Variants in UNC5C observed in about 807,000 individuals in gnomAD.
UNC5C encodes netrin receptor UNC5C.
Under a neutral mutation model 99.8 loss-of-function variants are expected in UNC5C, and 47 were observed. The ratio of observed to expected loss-of-function variants is 0.47; its 90% CI spans 0.37 to 0.60. The LOEUF (loss-of-function observed/expected upper bound fraction) is 0.60, where lower values mean the gene tolerates loss of function less well. Among genes scored for constraint, UNC5C ranks in the 20% least tolerant of loss-of-function variants. UNC5C has a pLI of 0.00. For synonymous variants in UNC5C, 487 were observed against 452.2 expected (o/e 1.08, Z -0.98); for missense variants, 1,062 against 1,165.9 (o/e 0.91, Z 1.30).
chr4:95,532,564 A>G (rs1722677430), intron 1 of UNC5C, among the ~76,000 whole-genome samples: 1 of 152,124 alleles, frequency 6.6e-6, no homozygotes, highest in Admixed American at 6.6e-5. Flanking sequence ...TGGCCTACCA[A>G]CTGGGGACAC....
intron 14 of UNC5C, 146 bp downstream of exon 14, chr4:95,182,751 A>G (rs1736663616): frequency 1.2e-6 from 1 of 813,288 alleles, no homozygotes; most frequent in Admixed American, 2.9e-5. Flanking sequence ...CTCATTACAA[A>G]TATTATTCTA....
intron 7 of UNC5C, among the ~76,000 whole-genome samples, chr4:95,235,632 C>T (rs1303646451): frequency 4.6e-5 from 7 of 152,174 alleles, no homozygotes; most frequent in African/African-American, 9.7e-5. Flanking sequence ...ACATTGCAGT[C>T]TTTAATCCAT....
chr4:95,251,344 C>T (rs1250854377), intron 4 of UNC5C, among the ~76,000 whole-genome samples: 1 of 152,144 alleles, frequency 6.6e-6, no homozygotes, highest in African/African-American at 2.4e-5. Flanking sequence ...ACAAATCATA[C>T]TCAAATCCCT....
At chr4:95,220,969 G>T (rs1346231250) in intron 7 of UNC5C, among the ~76,000 whole-genome samples, 1 of 152,168 alleles carries the variant, frequency 6.6e-6, no homozygotes, top group Non-Finnish European at 1.5e-5. Flanking sequence ...TCAGTGATCA[G>T]AAAGTTCAGA....
intron 1 of UNC5C, among the ~76,000 whole-genome samples, chr4:95,495,300 T>C (rs1300861263): frequency 6.6e-6 from 1 of 151,530 alleles, no homozygotes; most frequent in East Asian, 1.9e-4. Flanking sequence ...CTGTCAGTTT[T>C]AAGACAAATT....
intron 13 of UNC5C, 104 bp from the exon 14 acceptor site, chr4:95,183,165 T>C: frequency 8.5e-7 from 1 of 1,170,692 alleles, no homozygotes; most frequent in Non-Finnish European, 1.2e-6. Context: ...TGTGGCCTCA[T>C]TTAATCCTCA....
At chr4:95,532,284 T>A (rs568464215) in intron 1 of UNC5C, among the ~76,000 whole-genome samples, 11 of 152,050 alleles carry the variant, frequency 7.2e-5, no homozygotes, top group Non-Finnish European at 1.3e-4. Context: ...TAGTCTTGAT[T>A]TCCACCTACA....
intron 7 of UNC5C, among the ~76,000 whole-genome samples, chr4:95,233,345 T>C (rs1268884682): frequency 7.9e-5 from 12 of 152,204 alleles, no homozygotes; most frequent in Admixed American, 6.5e-4. Flanking sequence ...TACTGTGGCA[T>C]GAACCGTCTT....
chr4:95,176,107 CA>C (rs1196494931), intron 14 of UNC5C, among the ~76,000 whole-genome samples: 4 of 151,060 alleles, frequency 2.6e-5, no homozygotes, highest in Non-Finnish European at 5.9e-5. Flanking sequence ...CTCCTTTAAG[CA>C]CTTCTCTGTA....
intron 4 of UNC5C, among the ~76,000 whole-genome samples, chr4:95,268,775 A>C (rs1019870026): frequency 3.9e-5 from 6 of 152,232 alleles, no homozygotes; most frequent in Non-Finnish European, 7.3e-5. Flanking sequence ...AGAAAACTCC[A>C]CGTCTATCAG....
At position 95,166,722 on chromosome 4, in the gene UNC5C, G is replaced by T. The variant is rs527523763; in HGVS notation, c.*2512C>A. On this transcript the variant is annotated 3_prime_UTR_variant, in exon 16 of 16. Transcript: ENST00000453304. The stretch of plus-strand genomic sequence containing the variant: ...TTCCATAGATGATTCCACAACCCTG[G>T]TACTGATGCGTAATCTTGACAAGTT... The T allele has an allele frequency of 6.6e-6, 1 of 152,238 alleles. No individual in the cohort carries two copies. Among genetic ancestry groups the T allele is most frequent in the African/African-American group, 2.4e-5 (1 of 41,558 alleles). The allele number at this position is 152,238 out of a possible 1,614,324, so 9.4% of individuals were successfully genotyped here.
At chr4:95,398,044 CTTTTTT>C (rs34609153) in intron 1 of UNC5C, among the ~76,000 whole-genome samples, 3 of 95,918 alleles carry the variant, frequency 3.1e-5, no homozygotes, top group African/African-American at 9.8e-5. Flanking sequence ...CCAAATGTAG[CTTTTTT>C]TTTTTTTTTT....
chr4:95,320,430 AAAAAAAAAG>A (rs1484522441), intron 2 of UNC5C, among the ~76,000 whole-genome samples: 2 of 146,908 alleles, frequency 1.4e-5, no homozygotes, highest in East Asian at 4.1e-4. Context: ...CTCAAAAAAA[AAAAAAAAAG>A]AAAAGAAAAG....
intron 1 of UNC5C, among the ~76,000 whole-genome samples, chr4:95,436,884 G>A (rs1746809159): frequency 6.6e-6 from 1 of 151,398 alleles, no homozygotes; most frequent in Non-Finnish European, 1.5e-5. Flanking sequence ...GATGTACTAT[G>A]GGATTTTCAT....
At chr4:95,372,536 C>T (rs561942171) in intron 1 of UNC5C, among the ~76,000 whole-genome samples, 10 of 152,232 alleles carry the variant, frequency 6.6e-5, no homozygotes, top group African/African-American at 2.2e-4. Context: ...TTAATTCTTC[C>T]TCTTATTGTT....
chr4:95,508,844 G>C (rs1041806928), intron 1 of UNC5C, among the ~76,000 whole-genome samples: 1 of 151,842 alleles, frequency 6.6e-6, no homozygotes, highest in Non-Finnish European at 1.5e-5. Context: ...TTTTAATATA[G>C]TATCCCAAAT....
chr4:95,390,004 CATTA>C (rs988821972), intron 1 of UNC5C, among the ~76,000 whole-genome samples: 6 of 152,060 alleles, frequency 3.9e-5, no homozygotes, highest in African/African-American at 1.4e-4. Context: ...ACTGTAAGTT[CATTA>C]ATTGTCTTGA....
intron 12 of UNC5C, among the ~76,000 whole-genome samples, chr4:95,191,068 A>G (rs1230222610): frequency 6.6e-6 from 1 of 152,164 alleles, no homozygotes; most frequent in Non-Finnish European, 1.5e-5. Context: ...GCCTCTACCC[A>G]GAATGCTCCC....
chr4:95,389,008 C>G (rs1203332770), intron 1 of UNC5C, among the ~76,000 whole-genome samples: 2 of 151,980 alleles, frequency 1.3e-5, no homozygotes, highest in Non-Finnish European at 2.9e-5. Flanking sequence ...AAATTCTTTG[C>G]CAGGTACAGG....
Sources: allele counts gnomAD v4.1 joint callset (sites outside exome capture counted in the v4.1 genomes callset), GRCh38; gene constraint gnomAD v4.1.1; transcripts MANE v1.5; gene names NCBI Gene and HGNC (gene_info 2026-07-23, HGNC 2026-07-21).